IL1RAPL1: variants seen among roughly 807,000 people sequenced by gnomAD.
The protein encoded by IL1RAPL1 is interleukin 1 receptor accessory protein like 1, also known as interleukin-1 receptor accessory protein-like 1.
In IL1RAPL1, 3 loss-of-function variants were observed where a neutral mutation model predicts 48.4. The observed-to-expected ratio is 0.06, with a 90% CI of 0.03 to 0.16. The LOEUF (loss-of-function observed/expected upper bound fraction) is 0.16, where lower values mean the gene tolerates loss of function less well. Among genes scored for constraint, IL1RAPL1 ranks in the 10% least tolerant of loss-of-function variants. IL1RAPL1 has a pLI of 1.00. For missense variants in IL1RAPL1, 349 were observed against 530.6 expected (o/e 0.66, Z 3.36); for synonymous variants, 185 against 187.7 (o/e 0.99, Z 0.12).
chrX:29,772,776 G>A (rs1929099256), intron 6 of IL1RAPL1, among the ~76,000 whole-genome samples: 1 of 111,529 alleles, frequency 9.0e-6, no homozygotes, highest in African/African-American at 3.3e-5. Context: ...TGATAAGTAA[G>A]CGCCTTCTAC....
chrX:28,612,980 A>G (rs1448357170), intron 1 of IL1RAPL1, among the ~76,000 whole-genome samples: 1 of 111,726 alleles, frequency 9.0e-6, no homozygotes, highest in Non-Finnish European at 1.9e-5. Flanking sequence ...ATCTCGTAAC[A>G]TTTCTGCCTA....
chrX:29,633,110 G>T (rs1021083353), intron 5 of IL1RAPL1, among the ~76,000 whole-genome samples: 2 of 110,840 alleles, frequency 1.8e-5, no homozygotes, highest in African/African-American at 6.6e-5. Context: ...CTACCTAAAG[G>T]TCCATCAACA....
intron 1 of IL1RAPL1, among the ~76,000 whole-genome samples, chrX:28,635,299 C>T (rs1934451560): frequency 8.9e-6 from 1 of 111,771 alleles, no homozygotes; most frequent in Non-Finnish European, 1.9e-5. Context: ...TAACCCATTA[C>T]CTTGCAAGTA....
intron 5 of IL1RAPL1, among the ~76,000 whole-genome samples, chrX:29,657,074 T>C (rs1925706051): frequency 8.9e-6 from 1 of 111,897 alleles, no homozygotes; most frequent in Non-Finnish European, 1.9e-5. Flanking sequence ...GTCCACTCTA[T>C]GACAGCCCAG....
At chrX:29,885,041 C>A (rs1044934830) in intron 6 of IL1RAPL1, among the ~76,000 whole-genome samples, 1 of 95,755 alleles carries the variant, frequency 1.0e-5, no homozygotes, top group African/African-American at 6.0e-5. Flanking sequence ...ATTCTTCATC[C>A]CCCCGTCTTA....
intron 2 of IL1RAPL1, among the ~76,000 whole-genome samples, chrX:28,802,984 TAA>T (rs1272607924): frequency 1.8e-5 from 2 of 111,498 alleles, no homozygotes; most frequent in African/African-American, 6.5e-5. Flanking sequence ...TTAGGTTTTA[TAA>T]AGAGTATATA....
intron 6 of IL1RAPL1, among the ~76,000 whole-genome samples, chrX:29,786,395 AGACAGAGGGT>A (rs749808681): frequency 2.0e-4 from 22 of 111,290 alleles, no homozygotes; most frequent in Non-Finnish European, 3.0e-4. Context: ...TGAATGCAAA[AGACAGAGGGT>A]GACAGAGGGT....
chrX:29,747,405 A>G (rs1928359374), intron 6 of IL1RAPL1, among the ~76,000 whole-genome samples: 1 of 112,778 alleles, frequency 8.9e-6, no homozygotes, highest in Non-Finnish European at 1.9e-5. Context: ...AATTGAAAAT[A>G]CCATTATTCC....
At chrX:29,095,888 A>G (rs1396956182) in intron 2 of IL1RAPL1, among the ~76,000 whole-genome samples, 1 of 110,715 alleles carries the variant, frequency 9.0e-6, no homozygotes, top group Non-Finnish European at 1.9e-5. Context: ...TTTTAATGGC[A>G]ATACAAATAA....
intron 2 of IL1RAPL1, among the ~76,000 whole-genome samples, chrX:28,903,108 C>T (rs1211629904): frequency 2.7e-5 from 3 of 111,120 alleles, no homozygotes; most frequent in Non-Finnish European, 5.7e-5. Context: ...CACATATTTT[C>T]TTTCCTTTTT....
chrX:28,902,411 TC>T (rs57522085), intron 2 of IL1RAPL1, among the ~76,000 whole-genome samples: 45,298 of 109,396 alleles, frequency 0.41, 6,887 homozygotes, highest in Middle Eastern at 0.58. Flanking sequence ...GTTTCCTACT[TC>T]CTAGGGAACC....
intron 6 of IL1RAPL1, among the ~76,000 whole-genome samples, chrX:29,805,832 G>C (rs1930242670): frequency 9.1e-6 from 1 of 110,435 alleles, no homozygotes; most frequent in Admixed American, 9.8e-5. Flanking sequence ...CTCAAGTACA[G>C]CTAGCGATAT....
intron 2 of IL1RAPL1, among the ~76,000 whole-genome samples, chrX:28,934,547 C>G (rs1436856846): frequency 9.0e-6 from 1 of 111,166 alleles, no homozygotes; most frequent in African/African-American, 3.3e-5. Flanking sequence ...GCTCCTAACC[C>G]TTCCCCCTCA....
intron 3 of IL1RAPL1, among the ~76,000 whole-genome samples, chrX:29,355,117 G>T (rs749534361): frequency 5.4e-5 from 6 of 112,126 alleles, no homozygotes; most frequent in South Asian, 3.7e-4. Context: ...GGTACAGACA[G>T]AAAGAGACAC....
intron 1 of IL1RAPL1, among the ~76,000 whole-genome samples, chrX:28,649,857 A>G (rs1381823870): frequency 8.9e-6 from 1 of 111,928 alleles, no homozygotes; most frequent in African/African-American, 3.3e-5. Flanking sequence ...GAAAGCACTC[A>G]CATGTGAGGG....
intron 2 of IL1RAPL1, among the ~76,000 whole-genome samples, chrX:28,843,009 AT>A (rs11295194): frequency 0.12 from 12,925 of 103,925 alleles, 1,384 homozygotes; most frequent in African/African-American, 0.33. Context: ...TTATTTACCC[AT>A]TTTTTTTTTT....
intron 5 of IL1RAPL1, among the ~76,000 whole-genome samples, chrX:29,573,628 G>A (rs1922666777): frequency 8.9e-6 from 1 of 112,143 alleles, no homozygotes; most frequent in Admixed American, 9.5e-5. Flanking sequence ...ATGCTGTCTT[G>A]TTCTTCATCA....
intron 3 of IL1RAPL1, among the ~76,000 whole-genome samples, chrX:29,291,110 GCT>G (rs1047413592): frequency 1.3e-4 from 15 of 111,875 alleles, no homozygotes; most frequent in African/African-American, 4.9e-4. Context: ...ATCCAAGTCA[GCT>G]CTGAGTGTGA....
intron 2 of IL1RAPL1, among the ~76,000 whole-genome samples, chrX:29,170,616 C>T (rs905050094): frequency 3.6e-5 from 4 of 111,016 alleles, no homozygotes; most frequent in Admixed American, 9.7e-5. Flanking sequence ...GAATATTCAA[C>T]GTATATGTAG....
Sources: allele counts gnomAD v4.1 joint callset (sites outside exome capture counted in the v4.1 genomes callset), GRCh38; gene constraint gnomAD v4.1.1; transcripts MANE v1.5; gene names NCBI Gene and HGNC (gene_info 2026-07-23, HGNC 2026-07-21).